ADGRL2: variants seen among roughly 807,000 people sequenced by gnomAD.
ADGRL2 encodes the protein adhesion G protein-coupled receptor L2, also known as calcium-independent alpha-latrotoxin receptor 2.
Under a neutral mutation model 157.4 loss-of-function variants are expected in ADGRL2, and 44 were observed. The ratio of observed to expected loss-of-function variants is 0.28; its 90% CI spans 0.22 to 0.36. The LOEUF is 0.36. Among genes scored for constraint, ADGRL2 ranks in the 10% least tolerant of loss-of-function variants. ADGRL2 has a pLI of 1.00. For missense variants in ADGRL2, 1,510 were observed against 1,768.9 expected (o/e 0.85, Z 2.63); for synonymous variants, 585 against 624.7 (o/e 0.94, Z 0.95).
chr1:81,416,382 A>G (rs529174161), intron 1 of ADGRL2, among the ~76,000 whole-genome samples: 38 of 151,530 alleles, frequency 2.5e-4, no homozygotes, highest in Non-Finnish European at 4.9e-4. Context: ...ATTCATCTCT[A>G]CCTCTTACAT....
chr1:81,979,675 A>G (rs1661116160), intron 17 of ADGRL2, among the ~76,000 whole-genome samples, 194 bp from the exon 18 acceptor site: 1 of 151,834 alleles, frequency 6.6e-6, no homozygotes, highest in African/African-American at 2.4e-5. Context: ...TTGCAATTTG[A>G]TGTCAAATGA....
At chr1:81,467,106 A>G (rs533239287) in intron 2 of ADGRL2, among the ~76,000 whole-genome samples, 1 of 152,228 alleles carries the variant, frequency 6.6e-6, no homozygotes, top group Non-Finnish European at 1.5e-5. Context: ...AATGTGGACA[A>G]TAAGACTGCT....
At chr1:81,341,023 GT>G (rs1662035678) in intron 1 of ADGRL2, among the ~76,000 whole-genome samples, 1 of 151,842 alleles carries the variant, frequency 6.6e-6, no homozygotes, top group Non-Finnish European at 1.5e-5. Flanking sequence ...CCAATCATAT[GT>G]TTGAAACCTA....
intron 1 of ADGRL2, among the ~76,000 whole-genome samples, chr1:81,340,398 G>A (rs1004640634): frequency 4.6e-5 from 7 of 152,100 alleles, no homozygotes; most frequent in Non-Finnish European, 7.4e-5. Context: ...CTTGCCCCAG[G>A]TCACGAGTCC....
intron 7 of ADGRL2, 145 bp from the exon 8 acceptor site, chr1:81,950,873 C>A: frequency 1.6e-6 from 1 of 617,096 alleles, no homozygotes; most frequent in Non-Finnish European, 3.0e-6. Context: ...CTGCATTATA[C>A]CCTACTTTTT....
At chr1:81,428,814 G>A (rs1051920397) in intron 1 of ADGRL2, among the ~76,000 whole-genome samples, 2 of 152,116 alleles carry the variant, frequency 1.3e-5, no homozygotes, top group African/African-American at 4.8e-5. Flanking sequence ...GGTCAAATGA[G>A]AGAACTTCAC....
chr1:81,557,258 T>G (rs543287488), intron 2 of ADGRL2: 1 of 198,788 alleles, frequency 5.0e-6, no homozygotes, highest in East Asian at 1.4e-4. Context: ...GGCTCAGCTT[T>G]ATCAAGTGCT....
chr1:81,703,705 T>A (rs2083645181), intron 1 of ADGRL2, among the ~76,000 whole-genome samples: 1 of 152,116 alleles, frequency 6.6e-6, no homozygotes, highest in South Asian at 2.1e-4. Flanking sequence ...GTAAGGAGAA[T>A]GAAGAAATGG....
At chr1:81,971,054 C>T (rs1358764263) in intron 16 of ADGRL2, among the ~76,000 whole-genome samples, 1 of 152,066 alleles carries the variant, frequency 6.6e-6, no homozygotes, top group South Asian at 2.1e-4. Flanking sequence ...TAGATATTTA[C>T]AGAAAGTGAC....
At chr1:81,802,281 T>G (rs923210359) in intron 1 of ADGRL2, among the ~76,000 whole-genome samples, 3 of 151,936 alleles carry the variant, frequency 2.0e-5, no homozygotes, top group Admixed American at 2.0e-4. Context: ...TTCGGAGACC[T>G]GTTTGCTTTG....
chr1:81,437,171 C>T (rs1190923454), intron 1 of ADGRL2, among the ~76,000 whole-genome samples: 1 of 152,174 alleles, frequency 6.6e-6, no homozygotes, highest in Non-Finnish European at 1.5e-5. Flanking sequence ...ATCGCTGTTG[C>T]TGCCTCACTT....
At chr1:81,940,333 A>G (rs1226765295) in intron 4 of ADGRL2, among the ~76,000 whole-genome samples, 1 of 151,526 alleles carries the variant, frequency 6.6e-6, no homozygotes, top group Non-Finnish European at 1.5e-5. Context: ...TTTTCTCACT[A>G]CGCCCTTCCG....
At chr1:81,475,204 T>C (rs1205405006) in intron 2 of ADGRL2, among the ~76,000 whole-genome samples, 4 of 152,246 alleles carry the variant, frequency 2.6e-5, no homozygotes, top group South Asian at 4.2e-4. Context: ...CTAAACACTT[T>C]CTGAAAATGA....
chr1:81,951,913 C>T, intron 8 of ADGRL2, 44 bp from the exon 9 acceptor site: 2 of 1,500,006 alleles, frequency 1.3e-6, no homozygotes, highest in South Asian at 1.3e-5. Context: ...AAGCTGTAAA[C>T]AGAAAAAAAA....
chr1:81,957,827 T>A (rs2149167684), intron 11 of ADGRL2, among the ~76,000 whole-genome samples: 1 of 152,186 alleles, frequency 6.6e-6, no homozygotes, highest in East Asian at 1.9e-4. Flanking sequence ...TAATGCTTGG[T>A]ATTTACTAGT....
intron 2 of ADGRL2, among the ~76,000 whole-genome samples, chr1:81,497,397 T>G (rs914447083): frequency 2.0e-5 from 3 of 148,212 alleles, no homozygotes; most frequent in East Asian, 2.0e-4. Flanking sequence ...GTTGCTATGG[T>G]TTTTTTTTTA....
intron 2 of ADGRL2, among the ~76,000 whole-genome samples, chr1:81,778,407 C>A (rs908971185): frequency 1.2e-4 from 18 of 151,878 alleles, no homozygotes; most frequent in African/African-American, 4.1e-4. Context: ...TTATTAAATG[C>A]TTTGCTAGAA....
intron 2 of ADGRL2, among the ~76,000 whole-genome samples, chr1:81,495,729 C>T (rs1219218626): frequency 6.6e-6 from 1 of 152,150 alleles, no homozygotes. Context: ...AGGAATTTAG[C>T]ATGCTTTTGT....
chr1:81,650,586 A>AG (rs1234903837), intron 3 of ADGRL2, among the ~76,000 whole-genome samples: 1 of 151,618 alleles, frequency 6.6e-6, no homozygotes, highest in Non-Finnish European at 1.5e-5. Flanking sequence ...AAAAAAAAAA[A>AG]AAAAAAAGAA....
Sources: allele counts gnomAD v4.1 joint callset (sites outside exome capture counted in the v4.1 genomes callset), GRCh38; gene constraint gnomAD v4.1.1; transcripts MANE v1.5; gene names NCBI Gene and HGNC (gene_info 2026-07-23, HGNC 2026-07-21).